Variants in OSGIN2 observed in about 807,000 individuals in gnomAD.
OSGIN2 encodes the protein oxidative stress-induced growth inhibitor 2.
OSGIN2 carries 19 observed loss-of-function variants against 53.8 expected under a neutral mutation model. That is an observed-to-expected ratio of 0.35 (90% confidence interval 0.25 to 0.52). The LOEUF (loss-of-function observed/expected upper bound fraction) is 0.52, where lower values mean the gene tolerates loss of function less well. Ranked by LOEUF, OSGIN2 falls within the 20% of genes least tolerant of loss-of-function variation. OSGIN2 has a pLI of 0.95. For missense variants in OSGIN2, 520 were observed against 662.7 expected (o/e 0.78, Z 2.36); for synonymous variants, 236 against 236.0 (o/e 1.00, Z 0.00).
At chr8:89,920,463 CA>C (rs1246769202) in intron 4 of OSGIN2, among the ~76,000 whole-genome samples, 2 of 152,102 alleles carry the variant, frequency 1.3e-5, no homozygotes, top group Non-Finnish European at 2.9e-5. Context: ...TTGTATTGAA[CA>C]AAGCAGAAAT....
chr8:89,925,157 C>T lies in OSGIN2; in HGVS notation c.1275C>T (p.His425=). 1.2e-6 allele frequency: 2 copies of T among 1,614,150 alleles called. No individual in the cohort carries two copies. Among genetic ancestry groups the T allele is most frequent in the Non-Finnish European group, 1.7e-6 (2 of 1,180,006 alleles). The change falls in exon 6 of 6, where the codon CAC becomes CAT. Residue 425 remains histidine, a synonymous_variant. Transcript: ENST00000451899. ...CTGATTATACCAGCTTTCCCGAGCA[C>T]CGTGTGCTTTCCTTTAAGTCGGACA... ...LLSDYTSFPE[H]RVLSFKSDMK...
chr8:89,925,849 A>G lies in OSGIN2; in HGVS notation c.*317A>G. 1 of 259,918 alleles carries G rather than the reference A, an allele frequency of 3.8e-6. No homozygotes were observed. The highest frequency in any genetic ancestry group is 5.9e-5 in the South Asian group (1 of 17,050). The allele number at this position is 259,918 out of a possible 1,614,324, so 16.1% of individuals were successfully genotyped here. A position where few individuals can be genotyped will look rare whatever the true frequency, so the allele number is the denominator to read the frequency against. On this transcript the variant is annotated 3_prime_UTR_variant, in exon 6 of 6. Coordinates refer to ENST00000451899, the MANE Select transcript of OSGIN2 (RefSeq NM_001126111.3). ...GTTATTTATTATACTTGATTCCAAAATAGTACAGCCTTGAATCTATAAAAC... is the reference window on the plus strand; with the variant it reads ...GTTATTTATTATACTTGATTCCAAAGTAGTACAGCCTTGAATCTATAAAAC...
At position 89,909,718 on chromosome 8, in the gene OSGIN2, A is replaced by G. The variant is rs771628831; in HGVS notation, c.196A>G (p.Ile66Val). 13 of 1,589,026 alleles carry G rather than the reference A, an allele frequency of 8.2e-6. No homozygotes were observed. The Admixed American group carries it at 2.2e-4, about 27-fold the overall frequency. The change falls in exon 2 of 6, where the codon ATA (isoleucine) becomes GTA (valine). Residue 66 changes from isoleucine (I) to valine (V), a missense_variant. Around this residue, in one of 3 missense-constraint regions of OSGIN2, gnomAD observed 203 missense variants for 275.3 expected, o/e 0.74. Transcript: ENST00000451899. The part of the protein sequence containing the change: ...DSSVTFPVVI[I>V]GNGPSGICLS... ...GTCAGTGACTTTTCCTGTGGTAATA[A>G]TAGGTAAGTTATTGTATTTTATCTT...
chr8:89,910,250 G>A (rs145296847), intron 2 of OSGIN2, among the ~76,000 whole-genome samples: 107 of 152,226 alleles, frequency 7.0e-4, no homozygotes, highest in African/African-American at 2.4e-3. Flanking sequence ...CAGCAGATAG[G>A]CATTTAAGAT....
chr8:89,916,046 TC>T (rs1470893227), intron 4 of OSGIN2, among the ~76,000 whole-genome samples: 5 of 152,294 alleles, frequency 3.3e-5, no homozygotes, highest in African/African-American at 1.2e-4. Context: ...AAGAAAGAAT[TC>T]TATCATGCCC....
intron 1 of OSGIN2, among the ~76,000 whole-genome samples, chr8:89,903,719 A>G (rs954937094): frequency 1.3e-5 from 2 of 152,232 alleles, no homozygotes; most frequent in Non-Finnish European, 2.9e-5. Context: ...AATATAAGCA[A>G]CAAATCACAG....
At chr8:89,903,997 G>A (rs1421851849) in intron 1 of OSGIN2, among the ~76,000 whole-genome samples, 1 of 152,188 alleles carries the variant, frequency 6.6e-6, no homozygotes, top group Non-Finnish European at 1.5e-5. Context: ...AGAGATGTAA[G>A]GCATAGAGAA....
intron 4 of OSGIN2, among the ~76,000 whole-genome samples, chr8:89,914,970 A>G (rs1005771206): frequency 1.3e-5 from 2 of 152,238 alleles, no homozygotes; most frequent in African/African-American, 2.4e-5. Flanking sequence ...GCATGTCTCT[A>G]TACTATCTTA....
Position 89,924,488 on chromosome 8 carries a change from C to T in OSGIN2, c.621-15C>T, listed in dbSNP as rs1162735621. On this transcript the variant is annotated splice_polypyrimidine_tract_variant and intron_variant, in intron 5 of 5. Coordinates refer to ENST00000451899, the MANE Select transcript of OSGIN2 (RefSeq NM_001126111.3). ...GTAGTATCCTTATAGGATATTTTTCCTTTTCCTTTTTTAGGAGCCTAAAAG... is the reference window on the plus strand; with the variant it reads ...GTAGTATCCTTATAGGATATTTTTCTTTTTCCTTTTTTAGGAGCCTAAAAG... The T allele has an allele frequency of 1.3e-6, 2 of 1,556,184 alleles. No homozygotes were observed. Among genetic ancestry groups the T allele is most frequent in the South Asian group, 1.2e-5 (1 of 82,372 alleles).
At chr8:89,915,845 G>C (rs544149863) in intron 4 of OSGIN2, among the ~76,000 whole-genome samples, 39 of 152,128 alleles carry the variant, frequency 2.6e-4, no homozygotes, top group African/African-American at 8.7e-4. Context: ...ATACGTCATG[G>C]GTTTCTTTTA....
chr8:89,927,565 AG>A lies in OSGIN2; in HGVS notation c.*2034del, dbSNP rs1242408129. On this transcript the variant is annotated 3_prime_UTR_variant, in exon 6 of 6. Coordinates refer to ENST00000451899, the MANE Select transcript of OSGIN2 (RefSeq NM_001126111.3). ...GGGAAGAATCACTAAATACTTGTCT[AG>A]TTATAGCATGATGTGAGCATCTCCT... The A allele has an allele frequency of 6.6e-6, 1 of 152,174 alleles. No homozygotes were observed. Among genetic ancestry groups the A allele is most frequent in the Non-Finnish European group, 1.5e-5 (1 of 68,020 alleles). 9.4% of individuals were successfully genotyped at this position (152,174 alleles called of 1,614,324 possible).
In OSGIN2 at chr8:89,914,567, T is replaced by C. The variant is rs753923835; in HGVS notation, c.349T>C (p.Leu117=). 46 of 1,613,712 alleles carry C rather than the reference T, an allele frequency of 2.9e-5. No homozygotes were observed. Among genetic ancestry groups the C allele is most frequent in the Non-Finnish European group, 3.8e-5 (45 of 1,179,760 alleles). ...LSIVDQDLEY[L]SEGLEGRSSN... ...TTTGTTCATTCAGGACTTAGAATAC[T>C]TGTCTGAGGGCCTTGAGGGCCGATC... Residue 117 remains leucine, a synonymous_variant, in exon 4 of 6, where the codon TTG becomes CTG. Transcript: ENST00000451899.
At position 89,925,106 on chromosome 8, in the gene OSGIN2, A is replaced by G. The variant is rs376713062; in HGVS notation, c.1224A>G (p.Ser408=). 1.8e-5 allele frequency: 29 copies of G among 1,613,892 alleles called. No homozygotes were observed. The African/African-American group carries it at 3.2e-4, about 18-fold the overall frequency. ...HKVYHMMCTQ[S]YSVDSNLLSD... is the part of the protein sequence containing the mutation. ...TCTATCATATGATGTGTACTCAGTC[A>G]TATTCTGTAGACTCAAATCTTTTAT... Residue 408 remains serine (S), a synonymous_variant, in exon 6 of 6, where the codon TCA becomes TCG. Transcript: ENST00000451899.
intron 2 of OSGIN2, 138 bp downstream of exon 2, chr8:89,909,859 C>G (rs971366769): frequency 1.0e-5 from 5 of 496,078 alleles, no homozygotes; most frequent in Non-Finnish European, 1.7e-5. Context: ...AACTAATAAC[C>G]AAATCTTTGG....
At chr8:89,920,726 A>T (rs1809180408) in intron 4 of OSGIN2, among the ~76,000 whole-genome samples, 1 of 152,230 alleles carries the variant, frequency 6.6e-6, no homozygotes, top group Non-Finnish European at 1.5e-5. Context: ...TCAAAAAATG[A>T]ATATACTGAA....
In OSGIN2 at chr8:89,926,934, G is replaced by A. The variant is rs1335634721; in HGVS notation, c.*1402G>A. ...ATATAATTGTATAGAATATATTTGC[G>A]TCGATCAAATAATTGCTTCAGATGA... On this transcript the variant is annotated 3_prime_UTR_variant, in exon 6 of 6. Transcript: ENST00000451899. 9 of 152,058 alleles carry A rather than the reference G, an allele frequency of 5.9e-5. No individual in the cohort carries two copies. The highest frequency in any genetic ancestry group is 1.3e-4 in the Admixed American group (2 of 15,274). The allele number at this position is 152,058 out of a possible 1,614,324, so 9.4% of individuals were successfully genotyped here. A position where few individuals can be genotyped will look rare whatever the true frequency, so the allele number is the denominator to read the frequency against.
intron 1 of OSGIN2, among the ~76,000 whole-genome samples, chr8:89,909,022 A>C (rs1808899215): frequency 8.7e-6 from 1 of 115,350 alleles, no homozygotes; most frequent in East Asian, 2.3e-4. Context: ...AAAAAAAAAA[A>C]AAAAAAAAAA....
chr8:89,903,777 C>T (rs1434392651), intron 1 of OSGIN2, among the ~76,000 whole-genome samples: 3 of 152,186 alleles, frequency 2.0e-5, no homozygotes, highest in Admixed American at 2.0e-4. Flanking sequence ...ATGTTTATAT[C>T]ACATTGCAGT....
chr8:89,912,754 A>C (rs1406387856), intron 2 of OSGIN2, among the ~76,000 whole-genome samples: 1 of 151,886 alleles, frequency 6.6e-6, no homozygotes, highest in Non-Finnish European at 1.5e-5. Flanking sequence ...GAAAAAAAAA[A>C]ACACAACGAA....
Sources: allele counts gnomAD v4.1 joint callset (sites outside exome capture counted in the v4.1 genomes callset), GRCh38; gene constraint gnomAD v4.1.1; regional missense constraint gnomAD v4.1.1; transcripts MANE v1.5; gene names NCBI Gene and HGNC (gene_info 2026-07-23, HGNC 2026-07-21).